The following AP1G1 variants were observed in gnomAD, a reference collection of about 807,000 sequenced individuals.
AP1G1 encodes the protein adaptor related protein complex 1 subunit gamma 1.
Under a neutral mutation model 108.3 loss-of-function variants are expected in AP1G1, and 7 were observed. The observed-to-expected ratio is 0.06, with a 90% CI of 0.04 to 0.12. The LOEUF (loss-of-function observed/expected upper bound fraction) is 0.12, where lower values mean the gene tolerates loss of function less well. AP1G1 is among the 10% of genes least tolerant of loss of function. The pLI is 1.00. For synonymous variants in AP1G1, 379 were observed against 353.5 expected (o/e 1.07, Z -0.81); for missense variants, 756 against 1,010.7 (o/e 0.75, Z 3.42).
At chr16:71,798,457 C>T (rs1400596711) in intron 1 of AP1G1, among the ~76,000 whole-genome samples, 1 of 152,018 alleles carries the variant, frequency 6.6e-6, no homozygotes, top group African/African-American at 2.4e-5. Flanking sequence ...CCTCGGCCTC[C>T]CAAAGTGCTG....
At chr16:71,779,543 G>A (rs904294934) in intron 2 of AP1G1, among the ~76,000 whole-genome samples, 10 of 152,018 alleles carry the variant, frequency 6.6e-5, no homozygotes, top group Admixed American at 2.6e-4. Context: ...GTTTTGTCAC[G>A]TTAACCAGGC....
At chr16:71,797,954 T>G (rs1211030934) in intron 1 of AP1G1, among the ~76,000 whole-genome samples, 8 of 152,150 alleles carry the variant, frequency 5.3e-5, no homozygotes. Context: ...TTAATGTATC[T>G]GATATTAACT....
At position 71,739,067 on chromosome 16, in the gene AP1G1, A is replaced by G; in HGVS notation, c.2143T>C (p.Leu715=). The change falls in exon 21 of 23, where the codon TTG becomes CTG. Residue 715 remains leucine, a synonymous_variant. Coordinates refer to ENST00000299980, the MANE Select transcript of AP1G1 (RefSeq NM_001128.6). ...PSITAYSKNG[L]KIEFTFERSN... ...CGTTCAAAGGTGAATTCTATCTTCA[A>G]GCCATTCTTACTGTATGCTGTGATG... 1 of 1,614,198 alleles carries G rather than the reference A, an allele frequency of 6.2e-7. No individual in the cohort carries two copies. The highest frequency in any genetic ancestry group is 8.5e-7 in the Non-Finnish European group (1 of 1,180,034).
intron 4 of AP1G1, among the ~76,000 whole-genome samples, chr16:71,772,679 TC>T (rs2031622946): frequency 6.6e-6 from 1 of 152,208 alleles, no homozygotes; most frequent in South Asian, 2.1e-4. Context: ...TATGTTCATT[TC>T]TTGGACTTCT....
intron 1 of AP1G1, among the ~76,000 whole-genome samples, chr16:71,803,158 A>G (rs1422973954): frequency 2.0e-5 from 3 of 150,818 alleles, no homozygotes; most frequent in Admixed American, 2.0e-4. Context: ...AGGCTGTAGT[A>G]AGCTGAGATG....
intron 19 of AP1G1, among the ~76,000 whole-genome samples, chr16:71,740,351 T>G (rs940013091): frequency 2.0e-5 from 3 of 152,140 alleles, no homozygotes; most frequent in African/African-American, 7.2e-5. Context: ...TGCCAACCCC[T>G]GGAGGGCAAA....
chr16:71,760,442 G>A (rs983568708), intron 10 of AP1G1, among the ~76,000 whole-genome samples: 1 of 151,884 alleles, frequency 6.6e-6, no homozygotes, highest in Admixed American at 6.6e-5. Context: ...CTACTCGGGA[G>A]GGTGAGGCAA....
At chr16:71,773,649 G>C (rs1235317260) in intron 3 of AP1G1, among the ~76,000 whole-genome samples, 1 of 152,060 alleles carries the variant, frequency 6.6e-6, no homozygotes, top group Admixed American at 6.5e-5. Flanking sequence ...AGAAAACTCA[G>C]CAAACTTGGC....
Position 71,808,689 on chromosome 16 carries a change from C to A in AP1G1, c.-4+74G>T. The A allele has an allele frequency of 2.3e-6, 3 of 1,286,348 alleles. No individual in the cohort carries two copies. In the South Asian group the frequency reaches 3.7e-5, roughly 16 times the overall value. 79.7% of individuals were successfully genotyped at this position (1,286,348 alleles called of 1,614,324 possible). A position where few individuals can be genotyped will look rare whatever the true frequency, so the allele number is the denominator to read the frequency against. ...CTGGACCCCTGAAACTGAAAGGAAG[C>A]TTCCGGTCGAGCGCCCGCGGCAGCG... On this transcript the variant is annotated intron_variant, in intron 1 of 22. Coordinates refer to ENST00000299980, the MANE Select transcript of AP1G1 (RefSeq NM_001128.6).
intron 3 of AP1G1, 110 bp from the exon 4 acceptor site, chr16:71,773,472 A>C (rs2031651045): frequency 2.7e-6 from 3 of 1,100,546 alleles, no homozygotes; most frequent in South Asian, 2.2e-5. Context: ...AACAAAAACA[A>C]TAGGATTATT....
In AP1G1 at chr16:71,731,728, A is replaced by G. The variant is rs1354733294; in HGVS notation, c.*1330T>C. On this transcript the variant is annotated 3_prime_UTR_variant, in exon 23 of 23. Coordinates refer to ENST00000299980, the MANE Select transcript of AP1G1 (RefSeq NM_001128.6). ...TAAAAAGCTCAAGTCTTTGATGTGA[A>G]TATTCATGAGATTCGTCTTTTAAAA... 1 of 152,608 alleles carries G rather than the reference A, an allele frequency of 6.6e-6. No individual in the cohort carries two copies. The highest frequency in any genetic ancestry group is 2.4e-5 in the African/African-American group (1 of 41,438). The allele number at this position is 152,608 out of a possible 1,614,324, so 9.5% of individuals were successfully genotyped here. A position where few individuals can be genotyped will look rare whatever the true frequency, so the allele number is the denominator to read the frequency against.
chr16:71,739,471 C>A (rs891135287), intron 19 of AP1G1, 130 bp from the exon 20 acceptor site: 2 of 665,398 alleles, frequency 3.0e-6, no homozygotes, highest in Admixed American at 3.7e-5. Flanking sequence ...AAAGCATAGA[C>A]CACAAAGAGA....
chr16:71,802,922 T>A (rs1202662266), intron 1 of AP1G1, among the ~76,000 whole-genome samples: 3 of 151,906 alleles, frequency 2.0e-5, no homozygotes, highest in Non-Finnish European at 2.9e-5. Context: ...TTGAAAGATT[T>A]AAAATATTTT....
In AP1G1 at chr16:71,745,180, C is replaced by T; in HGVS notation, c.1963G>A (p.Glu655Lys). 1.2e-6 allele frequency: 2 copies of T among 1,614,152 alleles called. No individual in the cohort carries two copies. Among genetic ancestry groups the T allele is most frequent in the Non-Finnish European group, 1.7e-6 (2 of 1,180,034 alleles). ...PTSKPSSAGG[E>K]LLDLLGDINL... ...ATGTCTCCCAGCAAATCAAGAAGTT[C>T]TCCACCAGCAGAAGATGGTTTGCTT... Residue 655 changes from glutamate to lysine, a missense_variant, in exon 19 of 23, where the codon GAA becomes AAA. Transcript: ENST00000299980.
At chr16:71,761,673 G>T in intron 9 of AP1G1, 106 bp from the exon 10 acceptor site, 1 of 831,118 alleles carries the variant, frequency 1.2e-6, no homozygotes, top group Non-Finnish European at 1.9e-6. Context: ...CAGACTGCTA[G>T]CAAAAAAAAA....
At chr16:71,747,627 G>C (rs1293484258) in intron 16 of AP1G1, among the ~76,000 whole-genome samples, 1 of 151,706 alleles carries the variant, frequency 6.6e-6, no homozygotes, top group Non-Finnish European at 1.5e-5. Flanking sequence ...ACCTTTATAT[G>C]GGGAAGTAGA....
At chr16:71,795,686 A>G (rs1433218004) in intron 1 of AP1G1, among the ~76,000 whole-genome samples, 2 of 152,242 alleles carry the variant, frequency 1.3e-5, no homozygotes, top group Non-Finnish European at 2.9e-5. Flanking sequence ...GCTTAAATCA[A>G]ATCAACTGAT....
intron 1 of AP1G1, among the ~76,000 whole-genome samples, chr16:71,801,510 A>T (rs146788704): frequency 6.6e-6 from 1 of 152,344 alleles, no homozygotes; most frequent in East Asian, 1.9e-4. Context: ...TAAAATTAAG[A>T]CTGTCATAGA....
chr16:71,803,045 T>C (rs938298224), intron 1 of AP1G1, among the ~76,000 whole-genome samples: 2 of 151,676 alleles, frequency 1.3e-5, no homozygotes, highest in Non-Finnish European at 2.9e-5. Flanking sequence ...CAAAACCCCG[T>C]CTCCACTAAA....
Sources: allele counts gnomAD v4.1 joint callset (sites outside exome capture counted in the v4.1 genomes callset), GRCh38; gene constraint gnomAD v4.1.1; transcripts MANE v1.5; gene names NCBI Gene and HGNC (gene_info 2026-07-23, HGNC 2026-07-21).